The following GRIA4 variants were observed in gnomAD, a reference collection of about 807,000 sequenced individuals.
The protein encoded by GRIA4 is glutamate receptor 4.
GRIA4 carries 34 observed loss-of-function variants against 104.0 expected under a neutral mutation model. That is an observed-to-expected ratio of 0.33 (90% CI 0.25 to 0.44). The LOEUF is 0.44. Ranked by LOEUF, GRIA4 falls within the 20% of genes least tolerant of loss-of-function variation. GRIA4 has a pLI of 1.00. For synonymous variants in GRIA4, 386 were observed against 381.9 expected, an observed-to-expected ratio of 1.01 and a Z score of -0.13; for missense variants, 750 against 1,096.5, an observed-to-expected ratio of 0.68 and a Z score of 4.46.
At chr11:105,882,091 AG>A (rs761986966) in intron 5 of GRIA4, among the ~76,000 whole-genome samples, 4 of 152,180 alleles carry the variant, frequency 2.6e-5, no homozygotes, top group Non-Finnish European at 4.4e-5. Context: ...AACATTTGGG[AG>A]TCTGGAATTT....
intron 14 of GRIA4, among the ~76,000 whole-genome samples, chr11:105,952,299 C>T (rs1004598802): frequency 6.6e-6 from 1 of 151,988 alleles, no homozygotes; most frequent in African/African-American, 2.4e-5. Context: ...GCATTTCTTC[C>T]TGAGAAAGTA....
intron 11 of GRIA4, among the ~76,000 whole-genome samples, chr11:105,923,696 G>A (rs1200878909): frequency 1.3e-5 from 2 of 152,126 alleles, no homozygotes. Context: ...GGAGGCTAGT[G>A]CCTTATGATT....
At chr11:105,875,978 C>T (rs955761373) in intron 5 of GRIA4, among the ~76,000 whole-genome samples, 1 of 151,994 alleles carries the variant, frequency 6.6e-6, no homozygotes, top group African/African-American at 2.4e-5. Flanking sequence ...TTTGCTCTTG[C>T]TTCTCTAGTT....
At chr11:105,976,948 A>G (rs1300843076) in intron 16 of GRIA4, among the ~76,000 whole-genome samples, 2 of 152,044 alleles carry the variant, frequency 1.3e-5, no homozygotes, top group Non-Finnish European at 1.5e-5. Context: ...TTATTAAGTA[A>G]TACACTTCAT....
chr11:105,632,602 C>T (rs1365675774), intron 3 of GRIA4, among the ~76,000 whole-genome samples: 3 of 152,106 alleles, frequency 2.0e-5, no homozygotes, highest in Non-Finnish European at 4.4e-5. Context: ...CTTGATTTTA[C>T]TAGAAATATC....
At chr11:105,853,211 T>A (rs971526891) in intron 4 of GRIA4, among the ~76,000 whole-genome samples, 2 of 152,198 alleles carry the variant, frequency 1.3e-5, no homozygotes, top group African/African-American at 4.8e-5. Context: ...GATTTGTTTT[T>A]ATGAACCAAA....
At chr11:105,977,555 T>A (rs1859048695) in intron 16 of GRIA4, among the ~76,000 whole-genome samples, 1 of 151,964 alleles carries the variant, frequency 6.6e-6, no homozygotes, top group African/African-American at 2.4e-5. Context: ...GTAACTGGAG[T>A]ATTCCATATA....
chr11:105,965,082 C>T (rs1435540740), intron 14 of GRIA4, among the ~76,000 whole-genome samples: 1 of 152,006 alleles, frequency 6.6e-6, no homozygotes, highest in African/African-American at 2.4e-5. Flanking sequence ...GCTGGGATTA[C>T]AGGCGTGAGC....
At chr11:105,923,920 A>G (rs1244320578) in intron 11 of GRIA4, among the ~76,000 whole-genome samples, 1 of 152,168 alleles carries the variant, frequency 6.6e-6, no homozygotes, top group African/African-American at 2.4e-5. Context: ...GGAATAAAAA[A>G]GAAAAGACTG....
intron 3 of GRIA4, among the ~76,000 whole-genome samples, chr11:105,718,455 C>G (rs1954177238): frequency 6.6e-6 from 1 of 152,126 alleles, no homozygotes; most frequent in African/African-American, 2.4e-5. Flanking sequence ...TTGCGTAAAG[C>G]AAATGTCAAC....
At chr11:105,917,239 A>T (rs1947433331) in intron 10 of GRIA4, among the ~76,000 whole-genome samples, 1 of 152,204 alleles carries the variant, frequency 6.6e-6, no homozygotes, top group Non-Finnish European at 1.5e-5. Context: ...AATTAAAAAA[A>T]GTGGGAGGTT....
chr11:105,862,237 T>G, intron 5 of GRIA4, 29 bp downstream of exon 5: 17 of 1,296,188 alleles, frequency 1.3e-5, no homozygotes, highest in Non-Finnish European at 1.9e-5. Flanking sequence ...ATTTTTAACC[T>G]AGACCCTATA....
chr11:105,967,143 G>A (rs889607739), intron 14 of GRIA4, among the ~76,000 whole-genome samples: 3 of 151,006 alleles, frequency 2.0e-5, no homozygotes, highest in African/African-American at 7.3e-5. Flanking sequence ...TAAAAACAAA[G>A]ATATTCTATT....
chr11:105,751,412 A>G (rs1410746764), intron 3 of GRIA4, among the ~76,000 whole-genome samples: 1 of 152,170 alleles, frequency 6.6e-6, no homozygotes, highest in East Asian at 1.9e-4. Flanking sequence ...AAGTTATAAG[A>G]ATTGAATTAA....
intron 4 of GRIA4, among the ~76,000 whole-genome samples, chr11:105,840,406 G>A (rs1015219070): frequency 1.3e-5 from 2 of 152,154 alleles, no homozygotes; most frequent in African/African-American, 4.8e-5. Flanking sequence ...ACATCTACAT[G>A]ATTTTCATTT....
At chr11:105,674,195 G>T (rs1952464326) in intron 3 of GRIA4, among the ~76,000 whole-genome samples, 1 of 152,042 alleles carries the variant, frequency 6.6e-6, no homozygotes, top group South Asian at 2.1e-4. Context: ...TTACAATCAT[G>T]TTTATGAAAT....
chr11:105,644,045 A>G (rs563546324), intron 3 of GRIA4, among the ~76,000 whole-genome samples: 1 of 152,312 alleles, frequency 6.6e-6, no homozygotes, highest in Admixed American at 6.5e-5. Context: ...CTGAGTTATC[A>G]ATATGATTGA....
chr11:105,729,389 G>T (rs370951925), intron 3 of GRIA4, among the ~76,000 whole-genome samples: 18 of 152,246 alleles, frequency 1.2e-4, no homozygotes, highest in African/African-American at 3.9e-4. Context: ...AAATGCCCAG[G>T]ACCAGACAGA....
chr11:105,685,047 G>A (rs1382516302), intron 3 of GRIA4, among the ~76,000 whole-genome samples: 1 of 151,854 alleles, frequency 6.6e-6, no homozygotes, highest in Non-Finnish European at 1.5e-5. Flanking sequence ...TTCCTGTTAT[G>A]CCTGAGTAGT....
Sources: allele counts gnomAD v4.1 joint callset (sites outside exome capture counted in the v4.1 genomes callset), GRCh38; gene constraint gnomAD v4.1.1; transcripts MANE v1.5; gene names NCBI Gene and HGNC (gene_info 2026-07-23, HGNC 2026-07-21).